The following CCDC183 variants were observed in gnomAD, a reference collection of about 807,000 sequenced individuals.
The protein encoded by CCDC183 is coiled-coil domain containing 183, also known as coiled-coil domain-containing protein 183.
Under a neutral mutation model 65.2 loss-of-function variants are expected in CCDC183, and 63 were observed. The observed-to-expected ratio is 0.97, with a 90% CI of 0.79 to 1.19. The LOEUF (loss-of-function observed/expected upper bound fraction) is 1.19. Ranked by LOEUF, CCDC183 falls within the 50% of genes most tolerant of loss-of-function variation. The pLI is 0.00. For synonymous variants in CCDC183, 323 were observed against 276.5 expected (o/e 1.17, Z -1.67); for missense variants, 769 against 689.3 (o/e 1.12, Z -1.30).
rs976531054 is a variant in CCDC183, at chr9:136,804,752, C to A, written c.793-10C>A. The A allele has an allele frequency of 8.1e-6, 13 of 1,613,634 alleles. No homozygotes were observed. The highest frequency in any genetic ancestry group is 1.1e-5 in the Non-Finnish European group (13 of 1,179,696). On this transcript the variant is annotated splice_polypyrimidine_tract_variant and intron_variant, in intron 7 of 13. Coordinates refer to ENST00000338005, the MANE Select transcript of CCDC183 (RefSeq NM_001039374.5). This position sits in a 1 kb window ranked among gnomAD's most constrained non-coding sequence, Gnocchi z 4.1. ...TGTCTCATCCCTTCCCCGCCCCCAC[C>A]TCCCATCAGGGCCAGATGGACTTGG...
At chr9:136,803,265 AGCTCAGGGCCCAGGGCTGGG>A in intron 6 of CCDC183, among the ~76,000 whole-genome samples, 1 of 92,968 alleles carries the variant, frequency 1.1e-5, no homozygotes, top group Non-Finnish European at 2.3e-5. Flanking sequence ...GGTCAAGGTG[AGCTCAGGGCCCAGGGCTGGG>A]GCCCCCCAGG....
In CCDC183 at chr9:136,804,051, G is replaced by A. The variant is rs770933188; in HGVS notation, c.667-451G>A. 6.0e-5 allele frequency: 11 copies of A among 184,230 alleles called. No homozygotes were observed. The highest frequency in any genetic ancestry group is 1.0e-4 in the South Asian group (1 of 9,532). The allele number at this position is 184,230 out of a possible 1,614,324, so 11.4% of individuals were successfully genotyped here. A position where few individuals can be genotyped will look rare whatever the true frequency, so the allele number is the denominator to read the frequency against. On this transcript the variant is annotated intron_variant, in intron 6 of 13. Transcript: ENST00000338005. This position sits in a 1 kb window ranked among gnomAD's most constrained non-coding sequence, Gnocchi z 4.1. ...AGCAACGGAGCTGAGAACTCCTCAA[G>A]AGGCAACCCCACTAAGCGCTGGCAA... is the stretch of plus-strand genomic sequence containing the variant.
At chr9:136,799,406 G>GAAACCTGCC in intron 2 of CCDC183, 183 bp downstream of exon 2, 3 of 1,070,896 alleles carry the variant, frequency 2.8e-6, no homozygotes, top group Non-Finnish European at 3.9e-6. Context: ...CATCCGGTGG[G>GAAACCTGCC]CAGGTTTCCC....
intron 1 of CCDC183, 104 bp from the exon 2 acceptor site, chr9:136,798,998 G>A (rs1244188849): frequency 8.0e-6 from 12 of 1,497,910 alleles, no homozygotes; most frequent in Non-Finnish European, 9.0e-6. Context: ...CATCCCCCTG[G>A]ACCCTGGGGC....
intron 1 of CCDC183, among the ~76,000 whole-genome samples, chr9:136,796,752 G>A (rs1157435325): frequency 6.6e-6 from 1 of 152,182 alleles, no homozygotes; most frequent in Non-Finnish European, 1.5e-5. Context: ...CAATGTGTTT[G>A]CAGGCAGTAT....
rs183486275 is a variant in CCDC183 at position 136,799,320 on chromosome 9, C to T, written c.192+97C>T. On this transcript the variant is annotated intron_variant, in intron 2 of 13. Transcript: ENST00000338005. ...CGGGCACCTCCTCTCCACCCCCACC[C>T]CAATCTTTCTGGATCCAGGGGGCAT... 6.2e-4 allele frequency: 917 copies of T among 1,471,104 alleles called. 1 individual carries two copies. Among genetic ancestry groups the T allele is most frequent in the Non-Finnish European group, 7.7e-4 (856 of 1,111,592 alleles). The allele number at this position is 1,471,104 out of a possible 1,614,324, so 91.1% of individuals were successfully genotyped here. A position where few individuals can be genotyped will look rare whatever the true frequency, so the allele number is the denominator to read the frequency against.
chr9:136,806,979 A>G lies in CCDC183; in HGVS notation c.1399A>G (p.Lys467Glu), dbSNP rs1460357441. The part of the protein sequence containing the change: ...MVSRTEEGDT[K>E]VRDTLESSTL... ...GGGCTTTGCCCTGCAGGGCGACACA[A>G]AGGTGAGGGACACCCTGGAGTCCTC... Residue 467 changes from lysine (K) to glutamate (E), a missense_variant, in exon 13 of 14, where the codon AAG becomes GAG. Physicochemically the swap from Lys to Glu is moderately conservative, Grantham distance 56. Transcript: ENST00000338005. 30 of 1,613,564 alleles carry G rather than the reference A, an allele frequency of 1.9e-5. No individual in the cohort carries two copies. The highest frequency in any genetic ancestry group is 2.7e-5 in the African/African-American group (2 of 74,944).
intron 5 of CCDC183, 119 bp downstream of exon 5, chr9:136,800,612 G>T: frequency 1.4e-6 from 1 of 694,390 alleles, no homozygotes; most frequent in South Asian, 1.8e-5. Flanking sequence ...CCTGACCACC[G>T]GCTACGCAGG....
rs1464987808 is a variant in CCDC183, at chr9:136,804,926, C to T, written c.847+110C>T. 1.1e-6 allele frequency: 1 copy of T among 940,752 alleles called. No individual in the cohort carries two copies. The highest frequency in any genetic ancestry group is 1.5e-5 in the South Asian group (1 of 68,364). The allele number at this position is 940,752 out of a possible 1,614,324, so 58.3% of individuals were successfully genotyped here. Reference sequence around the variant, plus strand: ...TGAGGCCAGGTGTGACATGTGGTCGCCAGGGTGAAGGGAAGGACAGGTCCC... The same window carrying T: ...TGAGGCCAGGTGTGACATGTGGTCGTCAGGGTGAAGGGAAGGACAGGTCCC... On this transcript the variant is annotated intron_variant, in intron 8 of 13. Transcript: ENST00000338005. This position sits in a 1 kb window ranked among gnomAD's most constrained non-coding sequence, Gnocchi z 4.1.
intron 5 of CCDC183, among the ~76,000 whole-genome samples, chr9:136,801,137 C>G (rs1421545721): frequency 1.3e-5 from 2 of 152,210 alleles, no homozygotes; most frequent in Non-Finnish European, 2.9e-5. Context: ...GGGAAGGTGA[C>G]AGCATGGAAG....
intron 1 of CCDC183, 57 bp downstream of exon 1, chr9:136,796,524 A>C (rs1168835693): frequency 4.8e-6 from 6 of 1,250,060 alleles, no homozygotes; most frequent in Admixed American, 2.0e-5. Context: ...TTCTGGGTGC[A>C]CAACTTTTTG....
chr9:136,806,332 C>A, intron 10 of CCDC183, 94 bp downstream of exon 10: 1 of 1,420,866 alleles, frequency 7.0e-7, no homozygotes, highest in East Asian at 2.5e-5. Context: ...ATACCCACTG[C>A]CAACAAGCCT....
At position 136,806,253 on chromosome 9, in the gene CCDC183, C is replaced by T. The variant is rs576595171; in HGVS notation, c.1109+15C>T. On this transcript the variant is annotated intron_variant, in intron 10 of 13. Coordinates refer to ENST00000338005, the MANE Select transcript of CCDC183 (RefSeq NM_001039374.5). ...AGCTCCATCAGGTGCCCCGGGCTTC[C>T]GGGGCTGCGGGCCACCCACCCCAGT... The T allele has an allele frequency of 2.1e-5, 33 of 1,580,912 alleles. No homozygotes were observed. The East Asian group carries it at 2.1e-4, about 10-fold the overall frequency.
In CCDC183 at chr9:136,805,619, C is replaced by T. The variant is rs933149508; in HGVS notation, c.948+162C>T. The T allele has an allele frequency of 4.9e-6, 3 of 609,670 alleles. No individual in the cohort carries two copies. In the African/African-American group the frequency reaches 5.5e-5, roughly 11 times the overall value. The allele number at this position is 609,670 out of a possible 1,614,324, so 37.8% of individuals were successfully genotyped here. A position where few individuals can be genotyped will look rare whatever the true frequency, so the allele number is the denominator to read the frequency against. ...ACACACAAAGTGGCAACTCCCTCGG[C>T]CGCCCCAAATCCTTTTATCTTAATC... On this transcript the variant is annotated intron_variant, in intron 9 of 13. Coordinates refer to ENST00000338005, the MANE Select transcript of CCDC183 (RefSeq NM_001039374.5).
At chr9:136,807,197 G>A in intron 13 of CCDC183, 131 bp downstream of exon 13, 1 of 793,192 alleles carries the variant, frequency 1.3e-6, no homozygotes, top group South Asian at 1.6e-5. Flanking sequence ...AGTTGTACCT[G>A]CAGGACTTTA....
At chr9:136,799,888 C>G in intron 3 of CCDC183, 98 bp downstream of exon 3, 1 of 1,482,698 alleles carries the variant, frequency 6.7e-7, no homozygotes, top group East Asian at 2.6e-5. Flanking sequence ...GGAGCAGGTG[C>G]CCAGCCCCAG....
rs1241362998 is a variant in CCDC183, at chr9:136,800,144, G to C, written c.413G>C (p.Ser138Thr). 2.7e-6 allele frequency: 4 copies of C among 1,467,496 alleles called. No individual in the cohort carries two copies. In the South Asian group the frequency reaches 3.6e-5, roughly 13 times the overall value. The allele number at this position is 1,467,496 out of a possible 1,614,324, so 90.9% of individuals were successfully genotyped here. A position where few individuals can be genotyped will look rare whatever the true frequency, so the allele number is the denominator to read the frequency against. ...LDSLRSQPDA[S>T]KEELRLLQII... is the part of the protein sequence containing the mutation. ...AGCCTGCGGAGCCAGCCCGACGCCA[G>C]CAAGGAGGAGCTGCGGCTGCTGCAG... The change falls in exon 4 of 14, where the codon AGC (serine) becomes ACC (threonine). Residue 138 changes from serine (S) to threonine (T), a missense_variant. Physicochemically the swap from Ser to Thr is moderately conservative, Grantham distance 58. Coordinates refer to ENST00000338005, the MANE Select transcript of CCDC183 (RefSeq NM_001039374.5).
intron 1 of CCDC183, among the ~76,000 whole-genome samples, chr9:136,797,951 G>A (rs1393566257): frequency 6.6e-6 from 1 of 152,208 alleles, no homozygotes; most frequent in East Asian, 1.9e-4. Context: ...CTCTTGATTA[G>A]TTGGGACATC....
Position 136,806,203 on chromosome 9 carries a change from C to A in CCDC183, c.1074C>A (p.Ala358=). 2 of 1,580,186 alleles carry A rather than the reference C, an allele frequency of 1.3e-6. No homozygotes were observed. Among genetic ancestry groups the A allele is most frequent in the East Asian group, 2.3e-5 (1 of 42,802 alleles). ...ALVKQLELEE[A]VLKFRQKPSS... ...TGAAGCAGCTGGAGCTGGAGGAGGCCGTGCTCAAGTTCCGCCAGAAGCCTA... is the reference window on the plus strand; with the variant it reads ...TGAAGCAGCTGGAGCTGGAGGAGGCAGTGCTCAAGTTCCGCCAGAAGCCTA... Residue 358 remains alanine (A), a synonymous_variant, in exon 10 of 14, where the codon GCC becomes GCA. Transcript: ENST00000338005.
Sources: allele counts gnomAD v4.1 joint callset (sites outside exome capture counted in the v4.1 genomes callset), GRCh38; gene constraint gnomAD v4.1.1; non-coding constraint Gnocchi (gnomAD v3.1); transcripts MANE v1.5; gene names NCBI Gene and HGNC (gene_info 2026-07-23, HGNC 2026-07-21).